TNKS: variants seen among roughly 807,000 people sequenced by gnomAD.
TNKS encodes the protein tankyrase, also known as poly [ADP-ribose] polymerase tankyrase-1.
Under a neutral mutation model 135.8 loss-of-function variants are expected in TNKS, and 72 were observed. The observed-to-expected ratio is 0.53, with a 90% confidence interval of 0.44 to 0.64. The LOEUF is 0.64. TNKS is among the 30% of genes least tolerant of loss of function. TNKS has a pLI of 0.00. For synonymous variants in TNKS, 849 were observed against 649.3 expected (o/e 1.31, Z -4.68); for missense variants, 1,769 against 1,674.0 (o/e 1.06, Z -0.99).
At chr8:9,758,840 G>A (rs778915655) in intron 20 of TNKS, among the ~76,000 whole-genome samples, 1 of 152,226 alleles carries the variant, frequency 6.6e-6, no homozygotes, top group Non-Finnish European at 1.5e-5. Context: ...CACACATTTT[G>A]TGAGTCAGGA....
intron 12 of TNKS, among the ~76,000 whole-genome samples, chr8:9,721,918 T>G (rs1159796868): frequency 6.6e-6 from 1 of 151,850 alleles, no homozygotes; most frequent in African/African-American, 2.4e-5. Context: ...CCGGGTGTGG[T>G]GGTGCGTGCC....
intron 12 of TNKS, among the ~76,000 whole-genome samples, 168 bp downstream of exon 12, chr8:9,720,713 G>T (rs531908921): frequency 6.6e-6 from 1 of 152,302 alleles, no homozygotes; most frequent in South Asian, 2.1e-4. Flanking sequence ...GGTAAGGTAG[G>T]TGTCATGGGA....
At chr8:9,690,303 G>A (rs564941282) in intron 5 of TNKS, among the ~76,000 whole-genome samples, 3 of 152,282 alleles carry the variant, frequency 2.0e-5, no homozygotes, top group Admixed American at 1.3e-4. Flanking sequence ...CAATGATAAT[G>A]TGACGTTAAA....
At chr8:9,614,250 C>A (rs1178109667) in intron 2 of TNKS, among the ~76,000 whole-genome samples, 1 of 152,220 alleles carries the variant, frequency 6.6e-6, no homozygotes, top group Non-Finnish European at 1.5e-5. Context: ...TCTACTGACT[C>A]TTGAATCAGT....
At chr8:9,623,927 G>A (rs536122233) in intron 3 of TNKS, among the ~76,000 whole-genome samples, 15 of 152,094 alleles carry the variant, frequency 9.9e-5, no homozygotes, top group African/African-American at 3.1e-4. Context: ...GCTTGAACCC[G>A]GGAGGCAGAA....
At chr8:9,707,068 C>G (rs1269526712) in intron 8 of TNKS, 71 bp downstream of exon 8, 1 of 1,298,216 alleles carries the variant, frequency 7.7e-7, no homozygotes, top group Non-Finnish European at 1.0e-6. Context: ...TTTTATCTAC[C>G]TTAAATAATA....
In TNKS at chr8:9,776,866, A is replaced by G. The variant is rs1808248789; in HGVS notation, c.*130A>G. The G allele has an allele frequency of 1.2e-6, 1 of 808,168 alleles. No homozygotes were observed. Among genetic ancestry groups the G allele is most frequent in the South Asian group, 1.7e-5 (1 of 60,182 alleles). The allele number at this position is 808,168 out of a possible 1,614,324, so 50.1% of individuals were successfully genotyped here. On this transcript the variant is annotated 3_prime_UTR_variant, in exon 27 of 27. Transcript: ENST00000310430. ...AGAAATAAGCTGTTTGTCTTCTATAAAGCATTGCTATAGTGATGAATAGTA... is the reference window on the plus strand; with the variant it reads ...AGAAATAAGCTGTTTGTCTTCTATAGAGCATTGCTATAGTGATGAATAGTA...
intron 1 of TNKS, among the ~76,000 whole-genome samples, chr8:9,572,550 G>GT (rs1797795831): frequency 6.6e-6 from 1 of 151,926 alleles, no homozygotes. Context: ...CTAATTCCTA[G>GT]TTTCGGGACT....
At chr8:9,734,796 T>TTACC (rs529364508) in intron 15 of TNKS, 69 bp from the exon 16 acceptor site, 336 of 1,330,666 alleles carry the variant, frequency 2.5e-4, no homozygotes, top group African/African-American at 1.3e-3. Flanking sequence ...AGTAAATTAA[T>TTACC]TACCTACCTA....
chr8:9,781,457 T>A lies in TNKS; in HGVS notation c.*4721T>A, dbSNP rs922719993. The A allele has an allele frequency of 4.6e-5, 7 of 152,158 alleles. No individual in the cohort carries two copies. Among genetic ancestry groups the A allele is most frequent in the Admixed American group, 3.3e-4 (5 of 15,264 alleles). 9.4% of individuals were successfully genotyped at this position (152,158 alleles called of 1,614,324 possible). On this transcript the variant is annotated 3_prime_UTR_variant, in exon 27 of 27. Transcript: ENST00000310430. ...AAAGGCTAGAAAACCCATTCAAAGT[T>A]AGGAAAGAACACAGATCTTTGAGGC...
chr8:9,652,072 C>T (rs951441279), intron 3 of TNKS, among the ~76,000 whole-genome samples: 2 of 152,054 alleles, frequency 1.3e-5, no homozygotes, highest in South Asian at 2.1e-4. Context: ...AATATAGAAA[C>T]AAATCTTTAC....
At position 9,751,780 on chromosome 8, in the gene TNKS, T is replaced by C. The variant is rs748942906; in HGVS notation, c.3004T>C (p.Leu1002=). 1 of 1,614,126 alleles carries C rather than the reference T, an allele frequency of 6.2e-7. No homozygotes were observed. Among genetic ancestry groups the C allele is most frequent in the Non-Finnish European group, 8.5e-7 (1 of 1,180,018 alleles). ...IDNLTGPLAE[L]AVGGASNAGD... ...CAACCTCACTGGCCCTTTAGCAGAG[T>C]TGGCCGTAGGAGGAGCCTCCAATGC... The change falls in exon 19 of 27, where the codon TTG becomes CTG. Residue 1002 remains leucine (L), a synonymous_variant. Coordinates refer to ENST00000310430, the MANE Select transcript of TNKS (RefSeq NM_003747.3).
At chr8:9,595,359 A>G (rs1024683659) in intron 2 of TNKS, among the ~76,000 whole-genome samples, 3 of 152,066 alleles carry the variant, frequency 2.0e-5, no homozygotes, top group Middle Eastern at 3.2e-3. Flanking sequence ...CTTAAAACAG[A>G]GAAGAGAGGC....
intron 3 of TNKS, among the ~76,000 whole-genome samples, chr8:9,638,888 C>A (rs1800620625): frequency 6.6e-6 from 1 of 151,994 alleles, no homozygotes; most frequent in Non-Finnish European, 1.5e-5. Flanking sequence ...AATTGGTGCC[C>A]AAATGACAGG....
chr8:9,723,749 C>G (rs1023684498), intron 12 of TNKS, among the ~76,000 whole-genome samples: 1 of 152,230 alleles, frequency 6.6e-6, no homozygotes, highest in Non-Finnish European at 1.5e-5. Flanking sequence ...TCCGTAGTCA[C>G]ACGTGGCTAA....
At chr8:9,567,756 A>C (rs1487715658) in intron 1 of TNKS, among the ~76,000 whole-genome samples, 1 of 152,210 alleles carries the variant, frequency 6.6e-6, no homozygotes, top group Admixed American at 6.5e-5. Context: ...GAGTTGTTAG[A>C]AAATCTCGTA....
chr8:9,571,294 A>G (rs1797748559), intron 1 of TNKS, among the ~76,000 whole-genome samples: 1 of 152,172 alleles, frequency 6.6e-6, no homozygotes, highest in Non-Finnish European at 1.5e-5. Flanking sequence ...ACCTGTATCT[A>G]AGTTCACATA....
chr8:9,583,078 A>C (rs761608896), intron 2 of TNKS, among the ~76,000 whole-genome samples: 2 of 151,394 alleles, frequency 1.3e-5, no homozygotes, highest in Admixed American at 6.6e-5. Flanking sequence ...GAGGCAGGAG[A>C]ATGGCATGAA....
intron 3 of TNKS, among the ~76,000 whole-genome samples, chr8:9,647,767 A>T (rs990256536): frequency 6.6e-6 from 1 of 152,220 alleles, no homozygotes; most frequent in Non-Finnish European, 1.5e-5. Flanking sequence ...ACAGCAGAAT[A>T]TAGTCATGCA....
Sources: allele counts gnomAD v4.1 joint callset (sites outside exome capture counted in the v4.1 genomes callset), GRCh38; gene constraint gnomAD v4.1.1; transcripts MANE v1.5; gene names NCBI Gene and HGNC (gene_info 2026-07-23, HGNC 2026-07-21).